The following MACROD2 variants were observed in gnomAD, a reference collection of about 807,000 sequenced individuals.
MACROD2 encodes mono-ADP ribosylhydrolase 2.
In MACROD2, 36 loss-of-function variants were observed where a neutral mutation model predicts 70.4. The ratio of observed to expected loss-of-function variants is 0.51; its 90% CI spans 0.39 to 0.68. The LOEUF (loss-of-function observed/expected upper bound fraction) is 0.68. MACROD2 is among the 30% of genes least tolerant of loss of function. The pLI is 0.00. For missense variants in MACROD2, 496 were observed against 538.4 expected (o/e 0.92, Z 0.78); for synonymous variants, 172 against 178.8 (o/e 0.96, Z 0.30).
At chr20:14,929,387 A>G (rs2122669928) in intron 5 of MACROD2, 1 of 152,304 alleles carries the variant, frequency 6.6e-6, no homozygotes, top group African/African-American at 2.4e-5. Context: ...TTGTCAGTTG[A>G]TTATAAAGCA....
Position 14,820,248 on chromosome 20 carries a change from C to T in MACROD2, c.418+135289C>T, listed in dbSNP as rs189613784. ...ACATAGAAAGCCTACTTCTATCTGC[C>T]GGCCAAAGATCTGGAGGAACCTCAT... On this transcript the variant is annotated intron_variant, in intron 5 of 17. Transcript: ENST00000684519. Among the ~76,000 whole-genome samples, 12 of 151,974 alleles carry T rather than the reference C, an allele frequency of 7.9e-5. No homozygotes were observed. In the East Asian group the frequency reaches 1.9e-3, roughly 25 times the overall value.
intron 8 of MACROD2, among the ~76,000 whole-genome samples, chr20:15,745,331 T>C (rs1322312244): frequency 6.6e-6 from 1 of 152,204 alleles, no homozygotes; most frequent in Non-Finnish European, 1.5e-5. Context: ...CTGGTGGTCC[T>C]GTATCTTACT....
intron 8 of MACROD2, among the ~76,000 whole-genome samples, chr20:15,754,436 A>C (rs1411372151): frequency 1.3e-5 from 2 of 152,138 alleles, no homozygotes; most frequent in Admixed American, 6.5e-5. Context: ...CAGCCTGGCC[A>C]ACATGGTGAA....
At chr20:14,039,912 C>T (rs749917040) in intron 2 of MACROD2, among the ~76,000 whole-genome samples, 1 of 151,814 alleles carries the variant, frequency 6.6e-6, no homozygotes, top group Non-Finnish European at 1.5e-5. Context: ...GAATTTAACT[C>T]AGTGATGTCG....
chr20:15,830,887 G>A (rs575915167), intron 8 of MACROD2, among the ~76,000 whole-genome samples: 1 of 152,166 alleles, frequency 6.6e-6, no homozygotes, highest in African/African-American at 2.4e-5. Context: ...TAACACATTA[G>A]AAGTTGATGT....
intron 3 of MACROD2, among the ~76,000 whole-genome samples, chr20:14,361,607 A>G (rs779168995): frequency 4.6e-5 from 7 of 152,218 alleles, no homozygotes; most frequent in Non-Finnish European, 1.0e-4. Context: ...TTCTTCCTAA[A>G]TACCAGAGAT....
chr20:14,480,593 C>G (rs1733157196), intron 3 of MACROD2, among the ~76,000 whole-genome samples: 1 of 152,132 alleles, frequency 6.6e-6, no homozygotes, highest in South Asian at 2.1e-4. Flanking sequence ...CAGCTTCTCA[C>G]CAATGATAAT....
chr20:14,912,875 C>T (rs1462373180), intron 5 of MACROD2, among the ~76,000 whole-genome samples: 1 of 152,166 alleles, frequency 6.6e-6, no homozygotes, highest in Non-Finnish European at 1.5e-5. Context: ...GGGGGCTCAT[C>T]TATGCCCCAA....
intron 3 of MACROD2, among the ~76,000 whole-genome samples, chr20:14,359,766 G>A (rs2083204893): frequency 6.6e-6 from 1 of 152,176 alleles, no homozygotes; most frequent in African/African-American, 2.4e-5. Context: ...GGGTGCTGAG[G>A]TGGGAGGATC....
intron 15 of MACROD2, among the ~76,000 whole-genome samples, chr20:16,028,350 C>A (rs1049238789): frequency 1.3e-5 from 2 of 151,062 alleles, no homozygotes; most frequent in African/African-American, 4.9e-5. Flanking sequence ...ATTTTGTATC[C>A]CAGAACATAA....
At chr20:14,581,907 A>G (rs1273738719) in intron 4 of MACROD2, among the ~76,000 whole-genome samples, 2 of 152,304 alleles carry the variant, frequency 1.3e-5, no homozygotes, top group East Asian at 3.9e-4. Flanking sequence ...GGGAGCAGGT[A>G]GGAGCATGCT....
At chr20:14,520,981 A>ACC (rs2085163104) in intron 4 of MACROD2, among the ~76,000 whole-genome samples, 1 of 152,094 alleles carries the variant, frequency 6.6e-6, no homozygotes, top group African/African-American at 2.4e-5. Context: ...ACACGCACAC[A>ACC]CACACCCCCC....
At chr20:14,953,945 G>T (rs930941027) in intron 5 of MACROD2, among the ~76,000 whole-genome samples, 2 of 152,162 alleles carry the variant, frequency 1.3e-5, no homozygotes, top group Non-Finnish European at 2.9e-5. Flanking sequence ...TGAGATGAGT[G>T]AGTGTTCATT....
chr20:15,158,013 A>C (rs1437361579), intron 5 of MACROD2, among the ~76,000 whole-genome samples: 2 of 152,010 alleles, frequency 1.3e-5, no homozygotes. Flanking sequence ...GGAGTGTGGC[A>C]ACTCTCCCTG....
intron 5 of MACROD2, among the ~76,000 whole-genome samples, chr20:15,148,319 T>C: frequency 6.6e-6 from 1 of 151,926 alleles, no homozygotes; most frequent in South Asian, 2.1e-4. Context: ...TTGTATGAAT[T>C]GAAAAACTAA....
intron 8 of MACROD2, among the ~76,000 whole-genome samples, chr20:15,687,575 A>G (rs907546759): frequency 6.6e-6 from 1 of 152,088 alleles, no homozygotes; most frequent in Admixed American, 6.5e-5. Context: ...ATCTTCCTCA[A>G]ACAGAACAGA....
chr20:15,969,910 T>C (rs2066203982), intron 13 of MACROD2, among the ~76,000 whole-genome samples: 1 of 150,054 alleles, frequency 6.7e-6, no homozygotes, highest in African/African-American at 2.5e-5. Context: ...AGTAAATAAA[T>C]AAATAATAGA....
chr20:16,016,350 A>G (rs977542164), intron 15 of MACROD2, among the ~76,000 whole-genome samples: 1 of 152,162 alleles, frequency 6.6e-6, no homozygotes, highest in Non-Finnish European at 1.5e-5. Flanking sequence ...TGGCTTTAAA[A>G]TATAGGTCTG....
intron 3 of MACROD2, among the ~76,000 whole-genome samples, chr20:14,393,437 CT>C (rs1285346486): frequency 6.6e-6 from 1 of 152,110 alleles, no homozygotes; most frequent in Non-Finnish European, 1.5e-5. Context: ...TATATTCTGT[CT>C]TCCTTAGTGT....
Sources: gnomAD v4.1 joint callset for allele counts (sites outside exome capture counted in the v4.1 genomes callset) on GRCh38, gnomAD v4.1.1 for gene constraint, MANE v1.5 for transcripts, NCBI Gene and HGNC (gene_info 2026-07-23, HGNC 2026-07-21) for gene names.